Variants in KIAA0319L observed in about 807,000 individuals in gnomAD.
KIAA0319L encodes the protein KIAA0319 like.
In KIAA0319L, 55 loss-of-function variants were observed where a neutral mutation model predicts 120.1. That is an observed-to-expected ratio of 0.46 (90% CI 0.37 to 0.57). The LOEUF is 0.57. Among genes scored for constraint, KIAA0319L ranks in the 20% least tolerant of loss-of-function variants. The pLI, the probability that KIAA0319L is intolerant of heterozygous loss-of-function variation, is 0.00. For missense variants in KIAA0319L, 1,049 were observed against 1,255.3 expected (o/e 0.84, Z 2.48); for synonymous variants, 398 against 471.9 (o/e 0.84, Z 2.03).
Position 35,434,611 on chromosome 1 carries a change from T to G in KIAA0319L, c.*283A>C. 3 of 399,740 alleles carry G rather than the reference T, an allele frequency of 7.5e-6. No individual in the cohort carries two copies. The highest frequency in any genetic ancestry group is 1.4e-5 in the Non-Finnish European group (3 of 220,990). The allele number at this position is 399,740 out of a possible 1,614,324, so 24.8% of individuals were successfully genotyped here. ...CTGCAGAGCTTAGCAGCTGGCTGGG[T>G]CTGCCCTCGGGGGAGGGGAGGAGTT... is the stretch of plus-strand genomic sequence containing the variant. On this transcript the variant is annotated 3_prime_UTR_variant, in exon 21 of 21. Coordinates refer to ENST00000325722, the MANE Select transcript of KIAA0319L (RefSeq NM_024874.5).
rs756352014 is a variant in KIAA0319L, at chr1:35,444,314, A to G, written c.2514-11T>C. 6.2e-7 allele frequency: 1 copy of G among 1,600,892 alleles called. No homozygotes were observed. Among genetic ancestry groups the G allele is most frequent in the East Asian group, 2.3e-5 (1 of 44,384 alleles). On this transcript the variant is annotated splice_polypyrimidine_tract_variant and intron_variant, in intron 16 of 20. Transcript: ENST00000325722. The stretch of plus-strand genomic sequence containing the variant: ...AATACCATTTTGGTGCTGCAGAGAC[A>G]TGCAACAGTACTAATGAGCTGAAGC...
chr1:35,557,304 CCGG>C lies in KIAA0319L; in HGVS notation c.-129_-127del, dbSNP rs1316102252. 1.4e-5 allele frequency: 3 copies of C among 216,786 alleles called. No homozygotes were observed. Among genetic ancestry groups the C allele is most frequent in the African/African-American group, 1.1e-4 (3 of 26,280 alleles). The allele number at this position is 216,786 out of a possible 1,614,324, so 13.4% of individuals were successfully genotyped here. A position where few individuals can be genotyped will look rare whatever the true frequency, so the allele number is the denominator to read the frequency against. On this transcript the variant is annotated 5_prime_UTR_variant, in exon 1 of 21. Transcript: ENST00000325722. ...GACCCCCAACCTTCGCTCCCCTCAC[CCGG>C]AGGAGGAGGAGGAAGAGGAAGAAGG... is the stretch of plus-strand genomic sequence containing the variant.
At chr1:35,469,964 G>A (rs1278765072) in intron 6 of KIAA0319L, among the ~76,000 whole-genome samples, 3 of 151,960 alleles carry the variant, frequency 2.0e-5, no homozygotes, top group African/African-American at 4.8e-5. Flanking sequence ...AAACTCCTGG[G>A]TTTAAGTGAT....
At chr1:35,451,983 T>C (rs1642100406) in intron 12 of KIAA0319L, among the ~76,000 whole-genome samples, 1 of 152,212 alleles carries the variant, frequency 6.6e-6, no homozygotes, top group South Asian at 2.1e-4. Flanking sequence ...AAAATTCAAA[T>C]AGCTTTCAAA....
At chr1:35,534,493 A>T (rs940092240) in intron 2 of KIAA0319L, among the ~76,000 whole-genome samples, 1 of 152,226 alleles carries the variant, frequency 6.6e-6, no homozygotes, top group Non-Finnish European at 1.5e-5. Context: ...TGCTTACAAC[A>T]GCAAGTCCTT....
Position 35,442,888 on chromosome 1 carries a change from G to A in KIAA0319L, c.2779+18C>T, listed in dbSNP as rs763292081. 33 of 1,614,036 alleles carry A rather than the reference G, an allele frequency of 2.0e-5. No homozygotes were observed. The highest frequency in any genetic ancestry group is 3.3e-4 in the Middle Eastern group (2 of 6,076). ...TCAGCGCCAAACAGGCTGGCACTGT[G>A]CCACATAGAAAACTCACCACAGTTG... On this transcript the variant is annotated intron_variant, in intron 18 of 20. Coordinates refer to ENST00000325722, the MANE Select transcript of KIAA0319L (RefSeq NM_024874.5).
At chr1:35,541,233 C>T (rs1408419649) in intron 2 of KIAA0319L, among the ~76,000 whole-genome samples, 5 of 151,800 alleles carry the variant, frequency 3.3e-5, no homozygotes, top group Admixed American at 6.6e-5. Flanking sequence ...TGAGCCACTG[C>T]GCCTGGTCTT....
chr1:35,547,286 T>C (rs956426421), intron 2 of KIAA0319L, among the ~76,000 whole-genome samples: 10 of 149,118 alleles, frequency 6.7e-5, no homozygotes, highest in African/African-American at 2.0e-4. Context: ...CAATTGGATA[T>C]ATACATATAG....
chr1:35,499,645 G>A (rs973666225), intron 3 of KIAA0319L, among the ~76,000 whole-genome samples: 3 of 151,674 alleles, frequency 2.0e-5, no homozygotes, highest in African/African-American at 4.8e-5. Flanking sequence ...CTAAAAACTA[G>A]ATAAGTAGAT....
intron 8 of KIAA0319L, among the ~76,000 whole-genome samples, chr1:35,462,410 A>C (rs1353597145): frequency 2.0e-5 from 3 of 152,132 alleles, no homozygotes; most frequent in Non-Finnish European, 4.4e-5. Context: ...ATATTACTTC[A>C]AATAGGCTAC....
chr1:35,456,149 GCGTTGGCCA>G lies in KIAA0319L; in HGVS notation c.1511_1519del (p.Val504_Asn506del). 1 of 1,613,962 alleles carries G rather than the reference GCGTTGGCCA, an allele frequency of 6.2e-7. No individual in the cohort carries two copies. The highest frequency in any genetic ancestry group is 8.5e-7 in the Non-Finnish European group (1 of 1,179,922). On this transcript the variant is annotated inframe_deletion, in exon 10 of 21. Coordinates refer to ENST00000325722, the MANE Select transcript of KIAA0319L (RefSeq NM_024874.5). ...CAGGGTGATCACTTGGTTGGGGCCT[GCGTTGGCCA>G]CAGGGGGGTAATCCACAGCTTTGTT...
Position 35,506,970 on chromosome 1 carries a change from C to T in KIAA0319L, c.308G>A (p.Gly103Glu), listed in dbSNP as rs750327559. The change falls in exon 3 of 21, where the codon GGG (glycine) becomes GAG (glutamate). Residue 103 changes from glycine (G) to glutamate (E), a missense_variant. Coordinates refer to ENST00000325722, the MANE Select transcript of KIAA0319L (RefSeq NM_024874.5). This position sits in a 1 kb window ranked among gnomAD's most constrained non-coding sequence, Gnocchi z 4.0. ...GCTGCAGTCTGCCTGAATGCACATC[C>T]CTTCTAGCCACCAAAAGACATGGCA... ...SACHVFWWLE[G>E]MCIQADCSRP... The T allele has an allele frequency of 5.1e-5, 82 of 1,613,444 alleles. No homozygotes were observed. Among genetic ancestry groups the T allele is most frequent in the Non-Finnish European group, 5.7e-5 (67 of 1,179,756 alleles).
chr1:35,488,078 T>G (rs1452839479), intron 3 of KIAA0319L, among the ~76,000 whole-genome samples: 3 of 152,256 alleles, frequency 2.0e-5, no homozygotes, highest in Non-Finnish European at 4.4e-5. Context: ...TTTCCTCTGC[T>G]GTGGGAGTTG....
intron 8 of KIAA0319L, among the ~76,000 whole-genome samples, chr1:35,461,367 G>A (rs1430735718): frequency 2.0e-5 from 3 of 152,174 alleles, no homozygotes; most frequent in Non-Finnish European, 4.4e-5. Context: ...TCAGGTGGCT[G>A]AGGCAGGAGA....
intron 4 of KIAA0319L, among the ~76,000 whole-genome samples, chr1:35,478,443 A>G (rs906793206): frequency 2.0e-5 from 3 of 152,344 alleles, no homozygotes; most frequent in Admixed American, 2.0e-4. Flanking sequence ...CACAAAGGAT[A>G]AAGGCTTGAA....
intron 13 of KIAA0319L, 96 bp from the exon 14 acceptor site, chr1:35,450,605 C>A: frequency 8.1e-7 from 1 of 1,229,400 alleles, no homozygotes. Flanking sequence ...ATCAAGAGTA[C>A]CTTAACTGGA....
At chr1:35,448,143 C>G in intron 16 of KIAA0319L, 30 bp downstream of exon 16, 1 of 1,550,564 alleles carries the variant, frequency 6.4e-7, no homozygotes, top group Non-Finnish European at 8.7e-7. Flanking sequence ...CTGGTCTTTC[C>G]TTTGCTCCCC....
intron 3 of KIAA0319L, among the ~76,000 whole-genome samples, chr1:35,483,056 C>T (rs1644239247): frequency 6.6e-6 from 1 of 152,148 alleles, no homozygotes; most frequent in African/African-American, 2.4e-5. Context: ...CTTTGGTGGA[C>T]TATCTGTTCC....
chr1:35,512,415 G>A lies in KIAA0319L; in HGVS notation c.143-5280C>T, dbSNP rs138190837. Among the ~76,000 whole-genome samples the A allele has an allele frequency of 6.6e-3, 969 of 146,572 alleles. 15 individuals are homozygous for A. Among genetic ancestry groups the A allele is most frequent in the African/African-American group, 0.019 (759 of 40,282 alleles). ...TAAATTAAACCCCAAAGTAAGTAAA[G>A]GAAAGAAATGATAAAGAGAAGAGTA... On this transcript the variant is annotated intron_variant, in intron 2 of 20. Coordinates refer to ENST00000325722, the MANE Select transcript of KIAA0319L (RefSeq NM_024874.5).
Sources: allele counts gnomAD v4.1 joint callset (sites outside exome capture counted in the v4.1 genomes callset), GRCh38; gene constraint gnomAD v4.1.1; non-coding constraint Gnocchi (gnomAD v3.1); transcripts MANE v1.5; gene names NCBI Gene and HGNC (gene_info 2026-07-23, HGNC 2026-07-21).